PRR16: variants seen among roughly 807,000 people sequenced by gnomAD.
PRR16 encodes proline rich 16, also known as protein Largen.
A neutral mutation model predicts 18.2 loss-of-function variants in PRR16; 6 were observed. That is an observed-to-expected ratio of 0.33 (90% CI 0.18 to 0.65). The LOEUF (loss-of-function observed/expected upper bound fraction) is 0.65. PRR16 is among the 30% of genes least tolerant of loss of function. PRR16 has a pLI of 0.74. For synonymous variants in PRR16, 151 were observed against 147.8 expected, an observed-to-expected ratio of 1.02 and a Z score of -0.16; for missense variants, 412 against 376.6, an observed-to-expected ratio of 1.09 and a Z score of -0.78.
At chr5:120,534,122 T>C (rs1751639383) in intron 1 of PRR16, among the ~76,000 whole-genome samples, 1 of 152,140 alleles carries the variant, frequency 6.6e-6, no homozygotes, top group African/African-American at 2.4e-5. Context: ...GAATAAGCAA[T>C]TGTATAAACA....
At chr5:120,688,789 A>C (rs1389482160), downstream of PRR16, among the ~76,000 whole-genome samples, 1 of 152,180 alleles carries the variant, frequency 6.6e-6, no homozygotes. Flanking sequence ...TAGCAACCAC[A>C]CATCACCTAC....
intron 1 of PRR16, among the ~76,000 whole-genome samples, chr5:120,595,351 A>G (rs1423787008): frequency 6.6e-6 from 1 of 151,972 alleles, no homozygotes; most frequent in Non-Finnish European, 1.5e-5. Context: ...AAAGCTCAAC[A>G]TTACTAATCA....
chr5:120,526,296 G>A (rs1387329715), intron 1 of PRR16, among the ~76,000 whole-genome samples: 2 of 152,082 alleles, frequency 1.3e-5, no homozygotes, highest in African/African-American at 2.4e-5. Context: ...GTAAGAACAC[G>A]AATTAGGGCA....
At chr5:120,557,602 C>T (rs1752456051) in intron 1 of PRR16, among the ~76,000 whole-genome samples, 1 of 151,806 alleles carries the variant, frequency 6.6e-6, no homozygotes, top group Non-Finnish European at 1.5e-5. Context: ...TGACTCTGGG[C>T]AACTCTTTGG....
intron 1 of PRR16, among the ~76,000 whole-genome samples, chr5:120,573,187 G>A (rs987443337): frequency 1.3e-5 from 2 of 152,134 alleles, no homozygotes; most frequent in Non-Finnish European, 2.9e-5. Context: ...TTAAGTCTGT[G>A]AATTAAAAAT....
intron 1 of PRR16, among the ~76,000 whole-genome samples, chr5:120,582,371 A>C (rs1284147472): frequency 6.6e-6 from 1 of 152,128 alleles, no homozygotes; most frequent in African/African-American, 2.4e-5. Flanking sequence ...ATTTGGGTGA[A>C]AGGTACACTA....
At chr5:120,713,320 C>G in the PRR16 span, among the ~76,000 whole-genome samples, 1 of 152,080 alleles carries the variant, frequency 6.6e-6, no homozygotes, top group South Asian at 2.1e-4. Context: ...CATAGTATAT[C>G]TATAATCTGT....
At chr5:120,548,893 T>C (rs1275007860) in intron 1 of PRR16, among the ~76,000 whole-genome samples, 2 of 151,958 alleles carry the variant, frequency 1.3e-5, no homozygotes, top group African/African-American at 4.8e-5. Context: ...TTAAACGCAC[T>C]GATACCTGAG....
intron 1 of PRR16, among the ~76,000 whole-genome samples, chr5:120,679,060 T>C (rs1756892724): frequency 1.3e-5 from 2 of 152,220 alleles, no homozygotes; most frequent in South Asian, 4.1e-4. Flanking sequence ...TTATCACTAT[T>C]TTTAATTATT....
the PRR16 span, among the ~76,000 whole-genome samples, chr5:120,697,553 C>T: frequency 1.8e-4 from 27 of 152,250 alleles, no homozygotes; most frequent in African/African-American, 5.8e-4. Context: ...TTTTCATGCG[C>T]GTCCATGTGA....
intron 1 of PRR16, among the ~76,000 whole-genome samples, chr5:120,483,573 C>T (rs1460290002): frequency 5.9e-5 from 9 of 152,082 alleles, no homozygotes; most frequent in African/African-American, 2.2e-4. Flanking sequence ...TCAGAGCTAG[C>T]ATTCTATGAA....
At chr5:120,773,824 T>C in the PRR16 span, among the ~76,000 whole-genome samples, 1 of 152,082 alleles carries the variant, frequency 6.6e-6, no homozygotes, top group Non-Finnish European at 1.5e-5. Flanking sequence ...GAAATATAAA[T>C]TATGATAAAG....
chr5:120,593,378 T>G (rs573721535), intron 1 of PRR16, among the ~76,000 whole-genome samples: 27 of 152,136 alleles, frequency 1.8e-4, no homozygotes, highest in African/African-American at 6.3e-4. Context: ...AATACCTCTA[T>G]GTACACAAAT....
chr5:120,741,751 C>T, the PRR16 span, among the ~76,000 whole-genome samples: 1 of 152,084 alleles, frequency 6.6e-6, no homozygotes, highest in Non-Finnish European at 1.5e-5. Context: ...CAGGCACGCA[C>T]CACCAAGCCC....
At chr5:120,775,761 G>T in the PRR16 span, among the ~76,000 whole-genome samples, 2 of 147,832 alleles carry the variant, frequency 1.4e-5, no homozygotes, top group African/African-American at 2.5e-5. Flanking sequence ...CTCCCGAGTA[G>T]CTGGGATTAC....
intron 1 of PRR16, among the ~76,000 whole-genome samples, chr5:120,475,807 A>G (rs1007972773): frequency 1.3e-5 from 2 of 152,172 alleles, no homozygotes; most frequent in African/African-American, 4.8e-5. Flanking sequence ...GGGCTATTCC[A>G]TATAGATAAA....
intron 1 of PRR16, among the ~76,000 whole-genome samples, chr5:120,480,648 G>A (rs1430727427): frequency 1.3e-5 from 2 of 152,146 alleles, no homozygotes; most frequent in African/African-American, 4.8e-5. Flanking sequence ...CTGATAATGT[G>A]TCTGCAAACT....
chr5:120,618,923 A>G (rs1754599140), intron 1 of PRR16, among the ~76,000 whole-genome samples: 1 of 152,116 alleles, frequency 6.6e-6, no homozygotes. Context: ...AATTCAAGAC[A>G]TAGTGTCCAT....
At chr5:120,745,384 G>A in the PRR16 span, among the ~76,000 whole-genome samples, 2 of 152,116 alleles carry the variant, frequency 1.3e-5, no homozygotes, top group Non-Finnish European at 2.9e-5. Context: ...TGTTTTGGAA[G>A]TTTGTTCTCT....
Sources: allele counts gnomAD v4.1 joint callset (sites outside exome capture counted in the v4.1 genomes callset), GRCh38; gene constraint gnomAD v4.1.1; transcripts MANE v1.5; gene names NCBI Gene and HGNC (gene_info 2026-07-23, HGNC 2026-07-21).